HS3ST2: variants seen among roughly 807,000 people sequenced by gnomAD.
HS3ST2 encodes the protein heparan sulfate glucosamine 3-O-sulfotransferase 2.
In HS3ST2, 17 loss-of-function variants were observed where a neutral mutation model predicts 26.3. The ratio of observed to expected loss-of-function variants is 0.65; its 90% CI spans 0.44 to 0.97. The LOEUF (loss-of-function observed/expected upper bound fraction) is 0.97, where lower values mean the gene tolerates loss of function less well. Among genes scored for constraint, HS3ST2 ranks in the 50% least tolerant of loss-of-function variants. HS3ST2 has a pLI of 0.00. For missense variants in HS3ST2, 402 were observed against 501.2 expected (o/e 0.80, Z 1.89); for synonymous variants, 237 against 219.2 (o/e 1.08, Z -0.72).
chr16:22,839,207 A>G (rs1901317149), intron 1 of HS3ST2, among the ~76,000 whole-genome samples: 1 of 152,236 alleles, frequency 6.6e-6, no homozygotes, highest in South Asian at 2.1e-4. Context: ...TATTTGTCGA[A>G]TGAATGAATG....
At chr16:22,867,636 T>C (rs1596619742) in intron 1 of HS3ST2, among the ~76,000 whole-genome samples, 1 of 152,154 alleles carries the variant, frequency 6.6e-6, no homozygotes, top group South Asian at 2.1e-4. Flanking sequence ...TCAGTAGGCA[T>C]GAAAAAAATG....
chr16:22,857,637 C>T (rs748532454), intron 1 of HS3ST2, among the ~76,000 whole-genome samples: 14 of 152,148 alleles, frequency 9.2e-5, no homozygotes, highest in Non-Finnish European at 1.3e-4. Flanking sequence ...TACACTGACC[C>T]GTTTGCTAAT....
intron 1 of HS3ST2, among the ~76,000 whole-genome samples, chr16:22,889,473 T>C (rs541476312): frequency 6.6e-6 from 1 of 152,310 alleles, no homozygotes; most frequent in South Asian, 2.1e-4. Context: ...ATCCAAAGCA[T>C]TTTGAGTGCC....
chr16:22,885,644 C>T (rs568118103), intron 1 of HS3ST2, among the ~76,000 whole-genome samples: 4 of 151,826 alleles, frequency 2.6e-5, no homozygotes, highest in African/African-American at 7.2e-5. Flanking sequence ...TTAATAGAGA[C>T]GGGCCTTCAC....
At chr16:22,831,209 T>C (rs957247550) in intron 1 of HS3ST2, among the ~76,000 whole-genome samples, 1 of 152,248 alleles carries the variant, frequency 6.6e-6, no homozygotes, top group African/African-American at 2.4e-5. Context: ...TTTAAAGCCA[T>C]ATCATTTGCC....
chr16:22,885,389 A>G (rs111646317), intron 1 of HS3ST2, among the ~76,000 whole-genome samples: 2,577 of 150,656 alleles, frequency 0.017, 43 homozygotes, highest in South Asian at 0.07. Flanking sequence ...CTTAAATCTC[A>G]CTCTCTGCTA....
chr16:22,860,750 A>G lies in HS3ST2; in HGVS notation c.485+45655A>G, dbSNP rs181737559. Among the ~76,000 whole-genome samples the G allele has an allele frequency of 2.0e-3, 302 of 152,094 alleles. 2 individuals carry two copies. The highest frequency in any genetic ancestry group is 7.1e-3 in the African/African-American group (294 of 41,498). On this transcript the variant is annotated intron_variant, in intron 1 of 1. Coordinates refer to ENST00000261374, the MANE Select transcript of HS3ST2 (RefSeq NM_006043.2). ...TGTATCACAGTTATGAGTGTATAAA[A>G]GTATGAAATATAAAATATCATACAT... is the stretch of plus-strand genomic sequence containing the variant.
intron 1 of HS3ST2, among the ~76,000 whole-genome samples, chr16:22,858,790 C>T (rs969312054): frequency 2.0e-5 from 3 of 152,084 alleles, no homozygotes. Flanking sequence ...AGATAATGTG[C>T]ATGAATTCAA....
intron 1 of HS3ST2, among the ~76,000 whole-genome samples, chr16:22,843,399 C>T (rs1417237828): frequency 6.6e-6 from 1 of 152,184 alleles, no homozygotes; most frequent in African/African-American, 2.4e-5. Flanking sequence ...CTCCCTCCTG[C>T]CCGCTAGTTG....
At chr16:22,898,271 C>T (rs1055568589) in intron 1 of HS3ST2, among the ~76,000 whole-genome samples, 1 of 152,308 alleles carries the variant, frequency 6.6e-6, no homozygotes, top group East Asian at 1.9e-4. Context: ...AAGATAATTA[C>T]AGGTTGTGCT....
Position 22,901,453 on chromosome 16 carries a change from A to G in HS3ST2, c.486-13491A>G, listed in dbSNP as rs8047379. Among the ~76,000 whole-genome samples the G allele has an allele frequency of 8.6e-3, 1,311 of 152,248 alleles. 22 individuals carry two copies. Among genetic ancestry groups the G allele is most frequent in the African/African-American group, 0.029 (1,225 of 41,534 alleles). On this transcript the variant is annotated intron_variant, in intron 1 of 1. Coordinates refer to ENST00000261374, the MANE Select transcript of HS3ST2 (RefSeq NM_006043.2). ...CTACTGAATCAGAAACTGCATTTCAACAAGACCCCTACACGAGATTCAAAT... is the reference window on the plus strand; with the variant it reads ...CTACTGAATCAGAAACTGCATTTCAGCAAGACCCCTACACGAGATTCAAAT...
intron 1 of HS3ST2, among the ~76,000 whole-genome samples, chr16:22,893,117 G>A (rs982647462): frequency 4.6e-5 from 7 of 152,260 alleles, no homozygotes; most frequent in South Asian, 4.2e-4. Context: ...TGGAGTTTAC[G>A]GGGACAGGTA....
intron 1 of HS3ST2, among the ~76,000 whole-genome samples, chr16:22,886,200 C>G (rs775483108): frequency 6.6e-6 from 1 of 152,132 alleles, no homozygotes; most frequent in Non-Finnish European, 1.5e-5. Context: ...TATGAGATGC[C>G]AAGTTTCCCT....
chr16:22,886,211 G>T (rs934313689), intron 1 of HS3ST2, among the ~76,000 whole-genome samples: 3 of 152,166 alleles, frequency 2.0e-5, no homozygotes, highest in South Asian at 4.1e-4. Context: ...AAGTTTCCCT[G>T]CAAAACATAG....
chr16:22,913,912 GA>G (rs1372918359), intron 1 of HS3ST2, among the ~76,000 whole-genome samples: 1 of 152,072 alleles, frequency 6.6e-6, no homozygotes, highest in East Asian at 1.9e-4. Flanking sequence ...TGAGGCAGGA[GA>G]ATCACTTAAG....
chr16:22,852,966 C>T (rs1319473449), intron 1 of HS3ST2, among the ~76,000 whole-genome samples: 1 of 152,108 alleles, frequency 6.6e-6, no homozygotes, highest in Non-Finnish European at 1.5e-5. Flanking sequence ...ATTATAGAAA[C>T]ATTTTTTTCT....
In HS3ST2 at chr16:22,874,718, G is replaced by A. The variant is rs564054663; in HGVS notation, c.486-40226G>A. Among the ~76,000 whole-genome samples the A allele has an allele frequency of 2.2e-4, 33 of 152,318 alleles. 1 individual carries two copies. Among genetic ancestry groups the A allele is most frequent in the African/African-American group, 7.5e-4 (31 of 41,570 alleles). ...AGTACTGGGACCTGGCATACCTCCA[G>A]GCCCCAGGAAGCCAAACCACTTGAC... On this transcript the variant is annotated intron_variant, in intron 1 of 1. Coordinates refer to ENST00000261374, the MANE Select transcript of HS3ST2 (RefSeq NM_006043.2).
Position 22,841,524 on chromosome 16 carries a change from T to C in HS3ST2, c.485+26429T>C, listed in dbSNP as rs1901356496. Among the ~76,000 whole-genome samples the C allele has an allele frequency of 2.0e-5, 3 of 152,362 alleles. No homozygotes were observed. The South Asian group carries it at 6.2e-4, about 32-fold the overall frequency. On this transcript the variant is annotated intron_variant, in intron 1 of 1. Transcript: ENST00000261374. ...TTCTTACAGTGTTTACTTGACTTAA[T>C]AGTTCAGAATTCATCAATATTTTAC...
chr16:22,837,651 G>A (rs1407137405), intron 1 of HS3ST2, among the ~76,000 whole-genome samples: 2 of 149,630 alleles, frequency 1.3e-5, no homozygotes, highest in Non-Finnish European at 3.0e-5. Flanking sequence ...ATATATGTAT[G>A]CACACACACG....
Sources: allele counts gnomAD v4.1 joint callset (sites outside exome capture counted in the v4.1 genomes callset), GRCh38; gene constraint gnomAD v4.1.1; transcripts MANE v1.5; gene names NCBI Gene and HGNC (gene_info 2026-07-23, HGNC 2026-07-21).